Variants in KCNU1 observed in about 807,000 individuals in gnomAD.
KCNU1 encodes the protein potassium calcium-activated channel subfamily U member 1, also known as potassium channel subfamily U member 1.
KCNU1 carries 93 observed loss-of-function variants against 126.8 expected under a neutral mutation model. That is an observed-to-expected ratio of 0.73 (90% CI 0.62 to 0.87). The LOEUF (loss-of-function observed/expected upper bound fraction) is 0.87, where lower values mean the gene tolerates loss of function less well. Ranked by LOEUF, KCNU1 falls within the 40% of genes least tolerant of loss-of-function variation. The pLI is 0.00. For missense variants in KCNU1, 1,330 were observed against 1,367.1 expected, an observed-to-expected ratio of 0.97 and a Z score of 0.43; for synonymous variants, 523 against 494.2, an observed-to-expected ratio of 1.06 and a Z score of -0.77.
intron 2 of KCNU1, among the ~76,000 whole-genome samples, chr8:36,789,136 G>T (rs1329443293): frequency 1.3e-5 from 2 of 152,074 alleles, no homozygotes; most frequent in Admixed American, 6.5e-5. Context: ...CAGGAGAATC[G>T]CTTGAGCCTA....
intron 3 of KCNU1, among the ~76,000 whole-genome samples, chr8:36,804,414 TTA>T (rs914262892): frequency 1.6e-4 from 25 of 152,146 alleles, no homozygotes; most frequent in Admixed American, 4.6e-4. Context: ...CATGAAGGTT[TTA>T]TATGTCTTTG....
chr8:36,870,410 A>G (rs1806059627), intron 19 of KCNU1, among the ~76,000 whole-genome samples: 1 of 152,158 alleles, frequency 6.6e-6, no homozygotes, highest in Non-Finnish European at 1.5e-5. Flanking sequence ...TGTCTCAGGA[A>G]AAGAAGCTGA....
intron 18 of KCNU1, among the ~76,000 whole-genome samples, chr8:36,853,629 C>A (rs1329320344): frequency 6.6e-6 from 1 of 152,146 alleles, no homozygotes; most frequent in African/African-American, 2.4e-5. Context: ...CTTTGTATGA[C>A]AAATTCTTAT....
intron 24 of KCNU1, among the ~76,000 whole-genome samples, chr8:36,926,290 C>T (rs1808530162): frequency 6.6e-6 from 1 of 152,132 alleles, no homozygotes; most frequent in Non-Finnish European, 1.5e-5. Flanking sequence ...AATCAACTGC[C>T]CCTCCAGAAA....
intron 19 of KCNU1, among the ~76,000 whole-genome samples, chr8:36,893,279 T>C (rs77063253): frequency 6.6e-6 from 1 of 151,724 alleles, no homozygotes; most frequent in Non-Finnish European, 1.5e-5. Context: ...TGGCCCTCTC[T>C]ATAGACTTCT....
intron 2 of KCNU1, among the ~76,000 whole-genome samples, chr8:36,798,901 C>T (rs928805495): frequency 6.6e-6 from 1 of 152,212 alleles, no homozygotes; most frequent in African/African-American, 2.4e-5. Context: ...GGGCCATGGT[C>T]ACTCATATTT....
At chr8:36,877,347 G>A (rs145239251) in intron 19 of KCNU1, among the ~76,000 whole-genome samples, 1 of 150,720 alleles carries the variant, frequency 6.6e-6, no homozygotes, top group South Asian at 2.1e-4. Context: ...TTGTCGCCCA[G>A]GCTAGAGTGC....
At position 36,805,376 on chromosome 8, in the gene KCNU1, C is replaced by T. The variant is rs539848625; in HGVS notation, c.468+91C>T. The T allele has an allele frequency of 9.0e-5, 70 of 778,794 alleles. 1 individual carries two copies. Among genetic ancestry groups the T allele is most frequent in the East Asian group, 7.3e-4 (27 of 37,112 alleles). The allele number at this position is 778,794 out of a possible 1,614,324, so 48.2% of individuals were successfully genotyped here. A position where few individuals can be genotyped will look rare whatever the true frequency, so the allele number is the denominator to read the frequency against. ...CTGTGTCTCAGTCCTACAATCTGCC[C>T]GAGTTTTCAACTCTAAAGATAGCTA... On this transcript the variant is annotated intron_variant, in intron 4 of 26. Coordinates refer to ENST00000399881, the MANE Select transcript of KCNU1 (RefSeq NM_001031836.3).
intron 19 of KCNU1, among the ~76,000 whole-genome samples, chr8:36,879,422 A>T (rs1257355123): frequency 6.6e-6 from 1 of 151,970 alleles, no homozygotes; most frequent in East Asian, 1.9e-4. Flanking sequence ...TATGCAAGAA[A>T]AATTAGCTAT....
At chr8:36,920,945 T>C (rs1381225875) in intron 23 of KCNU1, among the ~76,000 whole-genome samples, 3 of 152,194 alleles carry the variant, frequency 2.0e-5, no homozygotes, top group African/African-American at 7.2e-5. Flanking sequence ...TAGGGGATAA[T>C]CCAGTCATAG....
intron 19 of KCNU1, among the ~76,000 whole-genome samples, chr8:36,865,651 C>T (rs1805880627): frequency 6.6e-6 from 1 of 150,538 alleles, no homozygotes; most frequent in East Asian, 2.0e-4. Context: ...TGGCACACAA[C>T]TGTAGTCCTA....
At chr8:36,879,552 A>G (rs1806400121) in intron 19 of KCNU1, among the ~76,000 whole-genome samples, 1 of 152,164 alleles carries the variant, frequency 6.6e-6, no homozygotes, top group East Asian at 1.9e-4. Context: ...AGCTGTGTTG[A>G]GGGATGGGTC....
chr8:36,807,292 T>G, intron 5 of KCNU1, 83 bp from the exon 6 acceptor site: 1 of 902,056 alleles, frequency 1.1e-6, no homozygotes. Flanking sequence ...AGAATGTAAG[T>G]GATTCCAATG....
At chr8:36,816,327 T>C (rs529056561) in intron 9 of KCNU1, among the ~76,000 whole-genome samples, 1 of 151,306 alleles carries the variant, frequency 6.6e-6, no homozygotes, top group Non-Finnish European at 1.5e-5. Flanking sequence ...TTCCATTAGG[T>C]TTTTTTTTCC....
At chr8:36,880,070 A>G (rs1467299472) in intron 19 of KCNU1, among the ~76,000 whole-genome samples, 1 of 152,246 alleles carries the variant, frequency 6.6e-6, no homozygotes, top group Non-Finnish European at 1.5e-5. Flanking sequence ...TTTTGGAGCA[A>G]TAAATCAAGT....
chr8:36,875,174 G>A (rs1806234996), intron 19 of KCNU1, among the ~76,000 whole-genome samples: 1 of 151,938 alleles, frequency 6.6e-6, no homozygotes, highest in East Asian at 1.9e-4. Flanking sequence ...GATAATGGAA[G>A]AAATATTTTA....
chr8:36,851,373 T>TTCTCTCTC (rs767473600), intron 18 of KCNU1, among the ~76,000 whole-genome samples: 3,270 of 140,204 alleles, frequency 0.023, 73 homozygotes, highest in Non-Finnish European at 0.031. Context: ...GGCACTTCCC[T>TTCTCTCTC]TCTCTCTCTC....
At chr8:36,802,181 C>T (rs1040154780) in intron 2 of KCNU1, among the ~76,000 whole-genome samples, 3 of 150,440 alleles carry the variant, frequency 2.0e-5, no homozygotes, top group Non-Finnish European at 3.0e-5. Flanking sequence ...TTACAAAGCT[C>T]TTGAAAGAAA....
At chr8:36,903,748 T>G (rs929326317) in intron 19 of KCNU1, among the ~76,000 whole-genome samples, 2 of 152,148 alleles carry the variant, frequency 1.3e-5, no homozygotes, top group Non-Finnish European at 2.9e-5. Flanking sequence ...GAAAGAGGTT[T>G]GGTTGACTCA....
Sources: gnomAD v4.1 joint callset for allele counts (sites outside exome capture counted in the v4.1 genomes callset) on GRCh38, gnomAD v4.1.1 for gene constraint, MANE v1.5 for transcripts, NCBI Gene and HGNC (gene_info 2026-07-23, HGNC 2026-07-21) for gene names.